WDFY2: variants seen among roughly 807,000 people sequenced by gnomAD.
The protein encoded by WDFY2 is WD repeat and FYVE domain containing 2, also known as WD repeat and FYVE domain-containing protein 2.
Under a neutral mutation model 56.4 loss-of-function variants are expected in WDFY2, and 36 were observed. The observed-to-expected ratio is 0.64, with a 90% confidence interval of 0.49 to 0.84. The LOEUF is 0.84. WDFY2 is among the 40% of genes least tolerant of loss of function. The pLI, the probability that WDFY2 is intolerant of heterozygous loss-of-function variation, is 0.00. For missense variants in WDFY2, 444 were observed against 512.2 expected (o/e 0.87, Z 1.29); for synonymous variants, 176 against 183.7 (o/e 0.96, Z 0.34).
intron 6 of WDFY2, among the ~76,000 whole-genome samples, chr13:51,737,895 TG>T (rs937912174): frequency 2.6e-5 from 4 of 152,202 alleles, no homozygotes; most frequent in South Asian, 4.1e-4. Flanking sequence ...ACCAGCAGCA[TG>T]GGGTGCAGGT....
At position 51,726,936 on chromosome 13, in the gene WDFY2, CATA is replaced by C. The variant is rs1380080775; in HGVS notation, c.486-738_486-736del. Among the ~76,000 whole-genome samples, 4 of 152,198 alleles carry C rather than the reference CATA, an allele frequency of 2.6e-5. No individual in the cohort carries two copies. In the East Asian group the frequency reaches 5.8e-4, roughly 22 times the overall value. On this transcript the variant is annotated intron_variant, in intron 5 of 11. Transcript: ENST00000298125. ...TTCCAGTTTATCTTTTGGCTTTGCT[CATA>C]ATATTTGTTGTGTTTTTGAGTCATA... is the stretch of plus-strand genomic sequence containing the variant.
chr13:51,711,903 C>T (rs1346537906), intron 4 of WDFY2, among the ~76,000 whole-genome samples: 1 of 152,160 alleles, frequency 6.6e-6, no homozygotes. Flanking sequence ...GGATCTAGAA[C>T]TAGAAATACC....
chr13:51,723,304 TGA>T (rs1291490832), intron 5 of WDFY2, among the ~76,000 whole-genome samples: 1 of 152,260 alleles, frequency 6.6e-6, no homozygotes, highest in Non-Finnish European at 1.5e-5. Flanking sequence ...AATCACTCTT[TGA>T]TCTCCTTGAT....
chr13:51,615,268 T>C (rs566507141), intron 1 of WDFY2, among the ~76,000 whole-genome samples: 5 of 151,710 alleles, frequency 3.3e-5, no homozygotes, highest in Non-Finnish European at 7.4e-5. Context: ...AAATAAAAAA[T>C]ATGGACAGGT....
At chr13:51,651,211 T>G (rs1161120966) in intron 1 of WDFY2, among the ~76,000 whole-genome samples, 2 of 152,232 alleles carry the variant, frequency 1.3e-5, no homozygotes, top group Non-Finnish European at 2.9e-5. Flanking sequence ...TAGAGGTGTT[T>G]ATAGTATTCT....
chr13:51,642,945 G>A (rs1593921867), intron 1 of WDFY2, among the ~76,000 whole-genome samples: 2 of 152,042 alleles, frequency 1.3e-5, no homozygotes, highest in African/African-American at 4.8e-5. Context: ...CAAAGTGCTG[G>A]GATTACAGGC....
At chr13:51,637,979 T>TGG (rs1955084461) in intron 1 of WDFY2, among the ~76,000 whole-genome samples, 1 of 152,220 alleles carries the variant, frequency 6.6e-6, no homozygotes, top group South Asian at 2.1e-4. Flanking sequence ...CCTAACTTTC[T>TGG]GCGAATGCAG....
In WDFY2 at chr13:51,685,317, A is replaced by T. The variant is rs968514693; in HGVS notation, c.279+10074A>T. Among the ~76,000 whole-genome samples, 5 of 152,274 alleles carry T rather than the reference A, an allele frequency of 3.3e-5. No homozygotes were observed. In the East Asian group the frequency reaches 7.7e-4, roughly 23 times the overall value. On this transcript the variant is annotated intron_variant, in intron 3 of 11. Transcript: ENST00000298125. Reference sequence around the variant, plus strand: ...TTTATATAATTTTGTATTAAGTAAGATGTATATACAGTTGACCTTTGAACA... The same window carrying T: ...TTTATATAATTTTGTATTAAGTAAGTTGTATATACAGTTGACCTTTGAACA...
At chr13:51,588,717 T>A (rs182993427) in intron 1 of WDFY2, 6 of 152,242 alleles carry the variant, frequency 3.9e-5, no homozygotes, top group African/African-American at 1.2e-4. Context: ...ATGTCCTGAT[T>A]AAGGGTGGAC....
At chr13:51,669,778 T>A (rs1365066850) in intron 2 of WDFY2, among the ~76,000 whole-genome samples, 2 of 152,208 alleles carry the variant, frequency 1.3e-5, no homozygotes, top group African/African-American at 4.8e-5. Context: ...ACATATACCA[T>A]GATATATGTG....
rs988698199 is a variant in WDFY2 at position 51,631,235 on chromosome 13, G to A, written c.138-29361G>A. On this transcript the variant is annotated intron_variant, in intron 1 of 11. Coordinates refer to ENST00000298125, the MANE Select transcript of WDFY2 (RefSeq NM_052950.4). Reference sequence around the variant, plus strand: ...GGAGAAATCCGTCTCTACAAAAAATGTAAAAATCAGCTGGGTGTGGTGGCT... The same window carrying A: ...GGAGAAATCCGTCTCTACAAAAAATATAAAAATCAGCTGGGTGTGGTGGCT... Among the ~76,000 whole-genome samples, 7 of 151,658 alleles carry A rather than the reference G, an allele frequency of 4.6e-5. No individual in the cohort carries two copies. The East Asian group carries it at 9.8e-4, about 21-fold the overall frequency.
chr13:51,595,448 T>C (rs1954126910), intron 1 of WDFY2, among the ~76,000 whole-genome samples: 2 of 152,166 alleles, frequency 1.3e-5, no homozygotes, highest in Non-Finnish European at 1.5e-5. Flanking sequence ...GATTGCCAGC[T>C]TCTCTTGACA....
intron 4 of WDFY2, among the ~76,000 whole-genome samples, chr13:51,711,211 G>A (rs144086851): frequency 0.11 from 16,398 of 152,184 alleles, 1,117 homozygotes; most frequent in Admixed American, 0.2. Context: ...TTTACCAAAT[G>A]GTGCTGGGAA....
At chr13:51,729,035 C>T (rs921831269) in intron 6 of WDFY2, among the ~76,000 whole-genome samples, 4 of 152,190 alleles carry the variant, frequency 2.6e-5, no homozygotes, top group Admixed American at 6.5e-5. Context: ...CCCAGCGTCT[C>T]TTCCCCTGCA....
chr13:51,744,474 C>T (rs745794978), intron 7 of WDFY2, among the ~76,000 whole-genome samples: 23 of 152,226 alleles, frequency 1.5e-4, no homozygotes, highest in Non-Finnish European at 2.8e-4. Context: ...AGAAGGGCCT[C>T]ACACTTGGTT....
intron 1 of WDFY2, among the ~76,000 whole-genome samples, chr13:51,633,000 GAGTTCTAAT>G (rs1954981125): frequency 6.6e-6 from 1 of 152,226 alleles, no homozygotes; most frequent in African/African-American, 2.4e-5. Context: ...CTGCAGCTTA[GAGTTCTAAT>G]AGTTTGTGTG....
At chr13:51,716,350 G>A (rs1268374215) in intron 4 of WDFY2, among the ~76,000 whole-genome samples, 3 of 152,206 alleles carry the variant, frequency 2.0e-5, no homozygotes, top group Non-Finnish European at 4.4e-5. Flanking sequence ...AATGTTTAAA[G>A]TGGTGAATTT....
At chr13:51,667,075 G>A (rs1955717233) in intron 2 of WDFY2, among the ~76,000 whole-genome samples, 1 of 152,178 alleles carries the variant, frequency 6.6e-6, no homozygotes, top group African/African-American at 2.4e-5. Context: ...CAGATAAACT[G>A]TTATCTTTGT....
In WDFY2 at chr13:51,669,129, G is replaced by A. The variant is rs140577383; in HGVS notation, c.206-6041G>A. ...TTGACTCTGCTGAGATTTTTATGCT[G>A]ATCTCTTGGGTCCCCTTTGTCTAGG... On this transcript the variant is annotated intron_variant, in intron 2 of 11. Transcript: ENST00000298125. 1.8e-3 allele frequency among the ~76,000 whole-genome samples: 276 copies of A among 152,238 alleles called. 1 individual carries two copies. Among genetic ancestry groups the A allele is most frequent in the Non-Finnish European group, 2.6e-3 (180 of 68,022 alleles).
Sources: gnomAD v4.1 joint callset for allele counts (sites outside exome capture counted in the v4.1 genomes callset) on GRCh38, gnomAD v4.1.1 for gene constraint, MANE v1.5 for transcripts, NCBI Gene and HGNC (gene_info 2026-07-23, HGNC 2026-07-21) for gene names.